FHOD3: variants seen among roughly 807,000 people sequenced by gnomAD.
FHOD3 encodes the protein FH1/FH2 domain-containing protein 3.
FHOD3 carries 90 observed loss-of-function variants against 173.0 expected under a neutral mutation model. The ratio of observed to expected loss-of-function variants is 0.52; its 90% CI spans 0.44 to 0.62. FHOD3 has a LOEUF of 0.62. FHOD3 is among the 20% of genes least tolerant of loss of function. FHOD3 has a pLI of 0.00. For synonymous variants in FHOD3, 828 were observed against 823.0 expected (o/e 1.01, Z -0.10); for missense variants, 1,945 against 2,034.7 (o/e 0.96, Z 0.85).
At chr18:36,445,279 C>T (rs1170232499) in intron 3 of FHOD3, among the ~76,000 whole-genome samples, 2 of 152,060 alleles carry the variant, frequency 1.3e-5, no homozygotes, top group African/African-American at 4.8e-5. Context: ...CTCTAGGGGA[C>T]ATATGAGCTG....
intron 20 of FHOD3, among the ~76,000 whole-genome samples, chr18:36,732,598 C>A (rs929414745): frequency 2.6e-5 from 4 of 152,188 alleles, no homozygotes; most frequent in African/African-American, 9.6e-5. Flanking sequence ...AGGGCCCACT[C>A]GAATCCAGGA....
chr18:36,353,552 C>T (rs1028983901), intron 1 of FHOD3, among the ~76,000 whole-genome samples: 1 of 152,184 alleles, frequency 6.6e-6, no homozygotes, highest in African/African-American at 2.4e-5. Flanking sequence ...ACATATTTGT[C>T]TCCACTTTTC....
At chr18:36,322,316 C>G (rs777019625) in intron 1 of FHOD3, among the ~76,000 whole-genome samples, 5 of 152,142 alleles carry the variant, frequency 3.3e-5, no homozygotes, top group Non-Finnish European at 7.3e-5. Context: ...GCCAGGAGAA[C>G]AGGCCAGAGA....
At chr18:36,661,654 T>C (rs1331752779) in intron 14 of FHOD3, among the ~76,000 whole-genome samples, 1 of 152,176 alleles carries the variant, frequency 6.6e-6, no homozygotes, top group African/African-American at 2.4e-5. Flanking sequence ...CAAGTGGACA[T>C]TGTCATGAGC....
chr18:36,538,965 T>A (rs1228209633), intron 5 of FHOD3, among the ~76,000 whole-genome samples: 1 of 152,208 alleles, frequency 6.6e-6, no homozygotes, highest in Non-Finnish European at 1.5e-5. Context: ...AAGTAAGATA[T>A]AATCACTGAG....
intron 19 of FHOD3, among the ~76,000 whole-genome samples, chr18:36,730,002 C>T (rs1163049905): frequency 8.5e-5 from 13 of 152,224 alleles, no homozygotes; most frequent in African/African-American, 2.9e-4. Context: ...TTCATCCTCA[C>T]CAGTGCATGC....
intron 3 of FHOD3, among the ~76,000 whole-genome samples, chr18:36,465,489 A>G (rs1283198161): frequency 6.6e-6 from 1 of 152,094 alleles, no homozygotes; most frequent in African/African-American, 2.4e-5. Flanking sequence ...GGTGGGAGCC[A>G]GGGGTTGGTA....
At chr18:36,468,931 T>A (rs946310365) in intron 3 of FHOD3, among the ~76,000 whole-genome samples, 14 of 152,074 alleles carry the variant, frequency 9.2e-5, no homozygotes, top group African/African-American at 3.1e-4. Flanking sequence ...CAGACAAGGC[T>A]GAGCCTTCCT....
At chr18:36,747,795 A>G (rs562258514) in intron 24 of FHOD3, among the ~76,000 whole-genome samples, 2 of 152,238 alleles carry the variant, frequency 1.3e-5, no homozygotes, top group East Asian at 3.9e-4. Context: ...TAGAACCTGG[A>G]TCTTCTATCT....
chr18:36,693,759 A>G (rs1313315111), intron 17 of FHOD3, among the ~76,000 whole-genome samples: 1 of 152,252 alleles, frequency 6.6e-6, no homozygotes, highest in Non-Finnish European at 1.5e-5. Context: ...GGTCTGCCCA[A>G]TCAAGTGACC....
intron 3 of FHOD3, among the ~76,000 whole-genome samples, chr18:36,389,771 A>G (rs548693612): frequency 4.5e-4 from 69 of 152,226 alleles, no homozygotes; most frequent in Non-Finnish European, 6.2e-4. Flanking sequence ...CCAGGAGGAC[A>G]TGTGTCTTCT....
intron 5 of FHOD3, among the ~76,000 whole-genome samples, chr18:36,545,032 G>A (rs915028141): frequency 2.0e-5 from 3 of 152,176 alleles, no homozygotes; most frequent in African/African-American, 7.2e-5. Flanking sequence ...ATGAGGCAAT[G>A]CTTGTAGATT....
In FHOD3 at chr18:36,693,443, A is replaced by AG; in HGVS notation, c.2236+23dup. 6.2e-7 allele frequency: 1 copy of AG among 1,605,278 alleles called. No individual in the cohort carries two copies. Among genetic ancestry groups the AG allele is most frequent in the South Asian group, 1.1e-5 (1 of 90,094 alleles). On this transcript the variant is annotated intron_variant, in intron 17 of 28. Coordinates refer to ENST00000590592, the MANE Select transcript of FHOD3 (RefSeq NM_001281740.3). ...CCCAAGGTGAGTACAGGGAGAGTAG[A>AG]GGGAAAATGAACAGGTTAACATCAG... is the stretch of plus-strand genomic sequence containing the variant.
At chr18:36,595,317 C>T (rs899262235) in intron 7 of FHOD3, among the ~76,000 whole-genome samples, 2 of 152,140 alleles carry the variant, frequency 1.3e-5, no homozygotes, top group Admixed American at 6.5e-5. Context: ...CCCTGCCCTG[C>T]CTTACTCAGG....
chr18:36,508,804 A>G (rs1005665710), intron 4 of FHOD3, among the ~76,000 whole-genome samples: 1 of 152,204 alleles, frequency 6.6e-6, no homozygotes, highest in African/African-American at 2.4e-5. Context: ...GAAATATTCT[A>G]CCTAATAAGC....
At chr18:36,329,388 A>G (rs1276931381) in intron 1 of FHOD3, among the ~76,000 whole-genome samples, 1 of 152,188 alleles carries the variant, frequency 6.6e-6, no homozygotes, top group Non-Finnish European at 1.5e-5. Flanking sequence ...CCTGGTGTTC[A>G]TGGCTCTTCC....
intron 10 of FHOD3, among the ~76,000 whole-genome samples, chr18:36,633,830 C>T (rs2034683431): frequency 6.6e-6 from 1 of 152,160 alleles, no homozygotes; most frequent in African/African-American, 2.4e-5. Flanking sequence ...GTTTTTTAGT[C>T]ACTGTTTGAT....
At chr18:36,586,939 A>G (rs2059054402) in intron 6 of FHOD3, among the ~76,000 whole-genome samples, 1 of 152,118 alleles carries the variant, frequency 6.6e-6, no homozygotes, top group African/African-American at 2.4e-5. Context: ...TCTTTCCCTG[A>G]TTGGTGCTGT....
chr18:36,443,079 G>A (rs114925250), intron 3 of FHOD3, among the ~76,000 whole-genome samples: 71 of 152,278 alleles, frequency 4.7e-4, no homozygotes, highest in African/African-American at 1.7e-3. Context: ...ATGGAGGTAC[G>A]TGTTGCCAAT....
Sources: allele counts gnomAD v4.1 joint callset (sites outside exome capture counted in the v4.1 genomes callset), GRCh38; gene constraint gnomAD v4.1.1; transcripts MANE v1.5; gene names NCBI Gene and HGNC (gene_info 2026-07-23, HGNC 2026-07-21).